Variants in EML1 observed in about 807,000 individuals in gnomAD.
The protein encoded by EML1 is EMAP like 1, also known as echinoderm microtubule-associated protein-like 1.
Under a neutral mutation model 110.4 loss-of-function variants are expected in EML1, and 27 were observed. The observed-to-expected ratio is 0.24, with a 90% CI of 0.18 to 0.34. The LOEUF is 0.34. Among genes scored for constraint, EML1 ranks in the 10% least tolerant of loss-of-function variants. The pLI is 1.00. For synonymous variants in EML1, 344 were observed against 385.8 expected (o/e 0.89, Z 1.27); for missense variants, 741 against 1,030.9 (o/e 0.72, Z 3.85).
At position 99,836,773 on chromosome 14, in the gene EML1, G is replaced by T. The variant is rs141641288; in HGVS notation, c.68-14080G>T. On this transcript the variant is annotated intron_variant, in intron 1 of 21. Transcript: ENST00000262233. ...TTTTGAATTCCTATAAATATTTCGA[G>T]CTTTGTACTGGGGGTAGTTACTTGG... is the stretch of plus-strand genomic sequence containing the variant. 4.2e-3 allele frequency among the ~76,000 whole-genome samples: 638 copies of T among 152,152 alleles called. 3 individuals carry two copies. Among genetic ancestry groups the T allele is most frequent in the Non-Finnish European group, 6.6e-3 (451 of 68,002 alleles).
In EML1 at chr14:99,756,009, C is replaced by T. The variant is rs75791634; in HGVS notation, c.28+18149C>T. ...GCAGAGTGTAGCTCCCATGGCCACA[C>T]GTGTGGCCCACAGCCCCTCGCCTAG... On this transcript the variant is annotated intron_variant, in intron 1 of 10. Transcript: ENST00000554479. Among the ~76,000 whole-genome samples the T allele has an allele frequency of 8.7e-3, 1,326 of 152,332 alleles. 14 individuals are homozygous for T. The highest frequency in any genetic ancestry group is 0.03 in the African/African-American group (1,261 of 41,584).
At chr14:99,819,321 C>T (rs778652671) in intron 1 of EML1, among the ~76,000 whole-genome samples, 4 of 152,112 alleles carry the variant, frequency 2.6e-5, no homozygotes, top group Admixed American at 2.0e-4. Context: ...ATATAATATA[C>T]GATTTTGTTC....
At chr14:99,922,121 A>G (rs991054765) in intron 17 of EML1, among the ~76,000 whole-genome samples, 2 of 152,028 alleles carry the variant, frequency 1.3e-5, no homozygotes, top group African/African-American at 2.4e-5. Flanking sequence ...CATTTTATGG[A>G]TATATACCAC....
intron 2 of EML1, among the ~76,000 whole-genome samples, chr14:99,860,277 T>A (rs1033240815): frequency 3.3e-5 from 5 of 152,148 alleles, no homozygotes; most frequent in African/African-American, 9.7e-5. Context: ...ATTTTTTTTT[T>A]AAAACAACCC....
In EML1 at chr14:99,866,266, T is replaced by A. The variant is rs546478619; in HGVS notation, c.383+620T>A. ...GAGACCAGCCCACCTTAACCATTTT[T>A]AAGTGTAGAGTTCAGTAGTGCTGGC... On this transcript the variant is annotated intron_variant, in intron 3 of 21. Coordinates refer to ENST00000262233, the MANE Select transcript of EML1 (RefSeq NM_004434.3). 3.3e-5 allele frequency among the ~76,000 whole-genome samples: 5 copies of A among 152,020 alleles called. No homozygotes were observed. The East Asian group carries it at 9.7e-4, about 29-fold the overall frequency.
Position 99,940,190 on chromosome 14 carries a change from G to T in EML1, c.*78G>T. ...ATTACCCTTGGTCACTGTGATTTCT[G>T]TTTTGTTTAAAAAATTCTTACAAAC... On this transcript the variant is annotated 3_prime_UTR_variant, in exon 22 of 22. Coordinates refer to ENST00000262233, the MANE Select transcript of EML1 (RefSeq NM_004434.3). The T allele has an allele frequency of 7.3e-7, 1 of 1,371,988 alleles. No homozygotes were observed. Among genetic ancestry groups the T allele is most frequent in the South Asian group, 1.9e-5 (1 of 53,410 alleles). 85.0% of individuals were successfully genotyped at this position (1,371,988 alleles called of 1,614,324 possible). A position where few individuals can be genotyped will look rare whatever the true frequency, so the allele number is the denominator to read the frequency against.
chr14:99,904,905 T>C (rs920506518), intron 9 of EML1, among the ~76,000 whole-genome samples: 3 of 152,346 alleles, frequency 2.0e-5, no homozygotes, highest in South Asian at 2.1e-4. Context: ...CAGAATGATA[T>C]AGAAGACAAA....
chr14:99,772,222 T>C (rs892202750), upstream of EML1, among the ~76,000 whole-genome samples: 6 of 152,250 alleles, frequency 3.9e-5, no homozygotes, highest in African/African-American at 9.6e-5. Flanking sequence ...GTGACACTTG[T>C]AGAGGGCAGG....
chr14:99,873,621 T>C (rs954689305), intron 3 of EML1, among the ~76,000 whole-genome samples: 1 of 152,206 alleles, frequency 6.6e-6, no homozygotes, highest in Non-Finnish European at 1.5e-5. Flanking sequence ...TTCTCCCCAC[T>C]AGCTCGAGTA....
At chr14:99,803,522 A>C (rs1192515091) in intron 1 of EML1, among the ~76,000 whole-genome samples, 1 of 152,242 alleles carries the variant, frequency 6.6e-6, no homozygotes, top group Non-Finnish European at 1.5e-5. Context: ...ATATGAATGC[A>C]GGCCCAGGAG....
At chr14:99,793,167 C>A (rs1236697565), upstream of EML1, among the ~76,000 whole-genome samples, 1 of 147,712 alleles carries the variant, frequency 6.8e-6, no homozygotes, top group African/African-American at 2.4e-5. Context: ...CCAGGCCGCC[C>A]GGGCCGCGCT....
At chr14:99,824,383 A>G (rs1041812897) in intron 1 of EML1, among the ~76,000 whole-genome samples, 2 of 152,136 alleles carry the variant, frequency 1.3e-5, no homozygotes, top group Admixed American at 1.3e-4. Flanking sequence ...AATGTAAATC[A>G]AAATCACAAT....
chr14:99,894,841 T>G (rs867039760), intron 6 of EML1, 83 bp downstream of exon 6: 4 of 1,456,754 alleles, frequency 2.7e-6, no homozygotes, highest in Middle Eastern at 3.7e-4. Context: ...TTCATAAAAC[T>G]TAAGTCCTCT....
intron 1 of EML1, among the ~76,000 whole-genome samples, chr14:99,754,803 G>T (rs570222954): frequency 4.9e-4 from 74 of 152,286 alleles, no homozygotes; most frequent in African/African-American, 1.7e-3. Flanking sequence ...CCCACGCAGT[G>T]CTGGAGAAAC....
chr14:99,839,603 A>G (rs986065311), intron 1 of EML1, among the ~76,000 whole-genome samples: 5 of 152,226 alleles, frequency 3.3e-5, no homozygotes, highest in African/African-American at 1.2e-4. Context: ...CTTGTAAAAG[A>G]TCTTTATACC....
chr14:99,866,468 G>C (rs2139887830), intron 3 of EML1, among the ~76,000 whole-genome samples: 1 of 151,686 alleles, frequency 6.6e-6, no homozygotes, highest in South Asian at 2.1e-4. Flanking sequence ...TACTTGGGAG[G>C]CTGAGGCAGG....
chr14:99,898,223 C>A lies in EML1; in HGVS notation c.828-10C>A, dbSNP rs1378221823. The stretch of plus-strand genomic sequence containing the variant: ...AACATGTAGATGTTTTGTAAATATC[C>A]TTTTCTTAGCCTAGCAGTTCATCCT... On this transcript the variant is annotated splice_polypyrimidine_tract_variant and intron_variant, in intron 7 of 21. Transcript: ENST00000262233. The A allele has an allele frequency of 1.9e-6, 3 of 1,579,700 alleles. No homozygotes were observed. Among genetic ancestry groups the A allele is most frequent in the Non-Finnish European group, 2.6e-6 (3 of 1,159,852 alleles).
At chr14:99,767,546 G>T (rs2057379956) in intron 1 of EML1, among the ~76,000 whole-genome samples, 1 of 152,110 alleles carries the variant, frequency 6.6e-6, no homozygotes, top group South Asian at 2.1e-4. Flanking sequence ...AGAGGCGGAG[G>T]TTGCAGCGAG....
intron 4 of EML1, chr14:99,883,141 C>G (rs2059416178): frequency 2.0e-5 from 3 of 152,244 alleles, no homozygotes; most frequent in Admixed American, 2.0e-4. Flanking sequence ...CTTTTGTGCC[C>G]TGACACGCAT....
Sources: allele counts gnomAD v4.1 joint callset (sites outside exome capture counted in the v4.1 genomes callset), GRCh38; gene constraint gnomAD v4.1.1; transcripts MANE v1.5; gene names NCBI Gene and HGNC (gene_info 2026-07-23, HGNC 2026-07-21).